Variants in TJAP1 observed in about 807,000 individuals in gnomAD.
TJAP1 encodes the protein tight junction associated protein 1.
In TJAP1, 27 loss-of-function variants were observed where a neutral mutation model predicts 42.0. That is an observed-to-expected ratio of 0.64 (90% CI 0.47 to 0.89). The LOEUF is 0.89. TJAP1 is among the 40% of genes least tolerant of loss of function. TJAP1 has a pLI of 0.00. For synonymous variants in TJAP1, 257 were observed against 288.4 expected, an observed-to-expected ratio of 0.89 and a Z score of 1.10; for missense variants, 712 against 726.9, an observed-to-expected ratio of 0.98 and a Z score of 0.24.
intron 2 of TJAP1, among the ~76,000 whole-genome samples, chr6:43,480,585 C>G (rs1219440279): frequency 6.6e-6 from 1 of 152,060 alleles, no homozygotes; most frequent in African/African-American, 2.4e-5. Context: ...ATGGTGCTCT[C>G]CTCACTGCAA....
Position 43,505,177 on chromosome 6 carries a change from A to T in TJAP1, c.996A>T (p.Ile332=). ...CACTGTATCCTGGCCGCAGGGTAAT[A>T]GAGTTCTCTGAGGATAAGGTTCGGA... Residue 332 remains isoleucine, a synonymous_variant, in exon 11 of 11, where the codon ATA becomes ATT. Coordinates refer to ENST00000372449, the Ensembl canonical transcript of TJAP1. This position sits in a 1 kb window ranked among gnomAD's most constrained non-coding sequence, Gnocchi z 5.5. 1 of 1,614,056 alleles carries T rather than the reference A, an allele frequency of 6.2e-7. No homozygotes were observed. The highest frequency in any genetic ancestry group is 2.2e-5 in the East Asian group (1 of 44,892).
rs1204543500 is a variant in TJAP1, at chr6:43,505,936, C to T, written c.*81C>T. Reference sequence around the variant, plus strand: ...CCTTGGCAGCTCAGGGTCCCCAGTCCAAGCCCTTGACCTCTCCTCTATCCA... The same window carrying T: ...CCTTGGCAGCTCAGGGTCCCCAGTCTAAGCCCTTGACCTCTCCTCTATCCA... On this transcript the variant is annotated 3_prime_UTR_variant, in exon 11 of 11. Transcript: ENST00000372449. The surrounding 1 kb of genome is among the most constrained non-coding windows in gnomAD (Gnocchi z 5.5). 20 of 1,393,602 alleles carry T rather than the reference C, an allele frequency of 1.4e-5. No homozygotes were observed. The South Asian group carries it at 1.5e-4, about 10-fold the overall frequency. 86.3% of individuals were successfully genotyped at this position (1,393,602 alleles called of 1,614,324 possible).
chr6:43,493,927 T>A (rs1049541013), intron 2 of TJAP1, among the ~76,000 whole-genome samples: 5 of 152,080 alleles, frequency 3.3e-5, no homozygotes, highest in African/African-American at 1.2e-4. Context: ...CTTGGCAAAT[T>A]TTTTTCCTTT....
chr6:43,498,732 C>T (rs111657618), intron 3 of TJAP1, among the ~76,000 whole-genome samples: 5 of 152,218 alleles, frequency 3.3e-5, no homozygotes, highest in African/African-American at 1.2e-4. Flanking sequence ...GTGTTCAGGC[C>T]CTAGGCCCTG....
intron 2 of TJAP1, among the ~76,000 whole-genome samples, chr6:43,489,316 C>CTCCT (rs1387296892): frequency 6.6e-6 from 1 of 152,188 alleles, no homozygotes; most frequent in African/African-American, 2.4e-5. Flanking sequence ...GTCCCTGTTG[C>CTCCT]TCCTCTGGGG....
intron 5 of TJAP1, chr6:43,501,187 G>A (rs924821655): frequency 3.0e-5 from 11 of 371,414 alleles, no homozygotes; most frequent in Non-Finnish European, 5.4e-5. Context: ...GGAGCTGGGG[G>A]CTTGGTGGCC....
Position 43,483,597 on chromosome 6 carries a change from C to T in TJAP1, c.-122+5365C>T, listed in dbSNP as rs527553721. On this transcript the variant is annotated intron_variant, in intron 2 of 10. Transcript: ENST00000372449. ...GATCTCCTGTAGACAGGGGACTTTGCAGAACATGTGGTGGAGAGGAGTCGG... is the reference window on the plus strand; with the variant it reads ...GATCTCCTGTAGACAGGGGACTTTGTAGAACATGTGGTGGAGAGGAGTCGG... 2.0e-5 allele frequency among the ~76,000 whole-genome samples: 3 copies of T among 152,272 alleles called. No homozygotes were observed. The South Asian group carries it at 6.2e-4, about 32-fold the overall frequency.
chr6:43,482,731 A>G (rs1044003469), intron 2 of TJAP1, among the ~76,000 whole-genome samples: 4 of 152,230 alleles, frequency 2.6e-5, no homozygotes, highest in Non-Finnish European at 4.4e-5. Flanking sequence ...TAGGTGCTTT[A>G]TGATGCCGTG....
At chr6:43,504,510 A>T in intron 10 of TJAP1, 1 of 557,382 alleles carries the variant, frequency 1.8e-6, no homozygotes, top group Non-Finnish European at 3.2e-6. Flanking sequence ...GTTTGAGAAC[A>T]TGCTGGCTGC....
At position 43,495,597 on chromosome 6, in the gene TJAP1, A is replaced by T. The variant is rs1788924704; in HGVS notation, c.-121-2284A>T. On this transcript the variant is annotated intron_variant, in intron 2 of 10. Coordinates refer to ENST00000372449, the Ensembl canonical transcript of TJAP1. This position sits in a 1 kb window ranked among gnomAD's most constrained non-coding sequence, Gnocchi z 4.6. ...TCCTTAGTTGGGAGTGGTTTCCCAT[A>T]CCTGTAACTCTGACATGCGTGGAAA... Among the ~76,000 whole-genome samples the T allele has an allele frequency of 1.3e-5, 2 of 152,020 alleles. No homozygotes were observed. Among genetic ancestry groups the T allele is most frequent in the East Asian group, 3.8e-4 (2 of 5,196 alleles).
intron 8 of TJAP1, chr6:43,502,845 T>G: frequency 6.6e-6 from 4 of 604,234 alleles, no homozygotes; most frequent in Non-Finnish European, 1.2e-5. Context: ...ATGTCTCCAC[T>G]GAACACCCAA....
chr6:43,477,957 C>A (rs1400796737), intron 1 of TJAP1, 130 bp from the exon 2 acceptor site: 1 of 152,398 alleles, frequency 6.6e-6, no homozygotes, highest in African/African-American at 2.4e-5. Flanking sequence ...AGAGGCCCGA[C>A]TGTATCTGGC....
rs567189749 is a variant in TJAP1 at position 43,502,998 on chromosome 6, C to T, written c.387+381C>T. ...GCTCAACAAGGTGCCCTGGCTGCCA[C>T]CGCGCCCTGCTTCCTCTTCCCTCTC... On this transcript the variant is annotated intron_variant, in intron 8 of 10. Transcript: ENST00000372449. 8.8e-6 allele frequency: 4 copies of T among 455,072 alleles called. No homozygotes were observed. The South Asian group carries it at 9.2e-5, about 10-fold the overall frequency. The allele number at this position is 455,072 out of a possible 1,614,324, so 28.2% of individuals were successfully genotyped here.
intron 2 of TJAP1, among the ~76,000 whole-genome samples, chr6:43,480,549 G>A (rs907013110): frequency 6.6e-6 from 1 of 151,882 alleles, no homozygotes; most frequent in Non-Finnish European, 1.5e-5. Context: ...ACGAAGTCTC[G>A]TTCTTGTCGC....
At chr6:43,481,492 C>CAA (rs60527357) in intron 2 of TJAP1, among the ~76,000 whole-genome samples, 4 of 136,842 alleles carry the variant, frequency 2.9e-5, no homozygotes, top group African/African-American at 1.0e-4. Context: ...ACCCCCCCCC[C>CAA]AAAAAAAAAC....
At chr6:43,488,224 A>G (rs972820110) in intron 2 of TJAP1, among the ~76,000 whole-genome samples, 1 of 151,548 alleles carries the variant, frequency 6.6e-6, no homozygotes, top group South Asian at 2.1e-4. Context: ...CTCAATATTA[A>G]TACAGACTCT....
intron 2 of TJAP1, among the ~76,000 whole-genome samples, chr6:43,482,368 A>C (rs542489440): frequency 6.6e-6 from 1 of 152,122 alleles, no homozygotes; most frequent in African/African-American, 2.4e-5. Flanking sequence ...TCACCACCAT[A>C]TTTTGAATGC....
intron 9 of TJAP1, 57 bp downstream of exon 9, chr6:43,503,565 C>G: frequency 2.5e-6 from 4 of 1,610,390 alleles, no homozygotes; most frequent in Non-Finnish European, 3.4e-6. Flanking sequence ...TGTCCTGGCT[C>G]GGCCCTGCTT....
Position 43,504,854 on chromosome 6 carries a change from G to A in TJAP1, c.673G>A (p.Ala225Thr), listed in dbSNP as rs201454123. The A allele has an allele frequency of 5.0e-6, 8 of 1,614,196 alleles. No homozygotes were observed. The South Asian group carries it at 6.6e-5, about 13-fold the overall frequency. The stretch of plus-strand genomic sequence containing the variant: ...TCCTGCTCCCAGCCTAGCCCCAGGG[G>A]CTGTGGTGCCTACCTCAGTCATTGC... Residue 225 changes from alanine to threonine, a missense_variant, in exon 11 of 11, where the codon GCT (alanine) becomes ACT (threonine). By Grantham distance (58) the Ala-to-Thr change is moderately conservative (BLOSUM62 0). Transcript: ENST00000372449.
Sources: allele counts gnomAD v4.1 joint callset (sites outside exome capture counted in the v4.1 genomes callset), GRCh38; gene constraint gnomAD v4.1.1; non-coding constraint Gnocchi (gnomAD v3.1); transcripts MANE v1.5; gene names NCBI Gene and HGNC (gene_info 2026-07-23, HGNC 2026-07-21).